NOL4L: variants seen among roughly 807,000 people sequenced by gnomAD.
NOL4L encodes the protein nucleolar protein 4 like.
Under a neutral mutation model 64.5 loss-of-function variants are expected in NOL4L, and 7 were observed. The ratio of observed to expected loss-of-function variants is 0.11; its 90% CI spans 0.06 to 0.20. NOL4L has a LOEUF of 0.20. NOL4L is among the 10% of genes least tolerant of loss of function. The probability of loss-of-function intolerance (pLI) is 1.00; values close to 1 mark genes in which losing one functional copy is unlikely to be tolerated. For synonymous variants in NOL4L, 413 were observed against 401.0 expected, an observed-to-expected ratio of 1.03 and a Z score of -0.36; for missense variants, 680 against 967.1, an observed-to-expected ratio of 0.70 and a Z score of 3.94.
At chr20:32,454,510 C>A (rs1394852995) in intron 6 of NOL4L, among the ~76,000 whole-genome samples, 1 of 152,232 alleles carries the variant, frequency 6.6e-6, no homozygotes, top group African/African-American at 2.4e-5. Flanking sequence ...CCTGGCCAAG[C>A]CCCTCAACCA....
intron 1 of NOL4L, among the ~76,000 whole-genome samples, chr20:32,558,314 G>A (rs867138166): frequency 5.9e-5 from 9 of 152,062 alleles, no homozygotes; most frequent in African/African-American, 2.2e-4. Flanking sequence ...ACGATCAAGA[G>A]AGCTGCTGAA....
chr20:32,583,360 T>C (rs1980619198), intron 1 of NOL4L, among the ~76,000 whole-genome samples: 1 of 149,370 alleles, frequency 6.7e-6, no homozygotes, highest in Admixed American at 6.6e-5. Flanking sequence ...AGTGCACTTT[T>C]CGTAACGACC....
chr20:32,448,440 G>T (rs537967248), intron 10 of NOL4L, among the ~76,000 whole-genome samples: 4 of 152,226 alleles, frequency 2.6e-5, no homozygotes, highest in Non-Finnish European at 5.9e-5. Context: ...CTGGTTGTCT[G>T]GGGGGAGAGG....
At chr20:32,481,542 GC>G (rs2015713036) in intron 4 of NOL4L, among the ~76,000 whole-genome samples, 1 of 151,642 alleles carries the variant, frequency 6.6e-6, no homozygotes, top group African/African-American at 2.4e-5. Flanking sequence ...TGGGAGGAAG[GC>G]CGTCTTCTCA....
rs192482611 is a variant in NOL4L, at chr20:32,450,110, G to C, written c.1822+2126C>G. The C allele has an allele frequency of 1.0e-4, 16 of 152,406 alleles. No individual in the cohort carries two copies. The East Asian group carries it at 2.9e-3, about 28-fold the overall frequency. 9.4% of individuals were successfully genotyped at this position (152,406 alleles called of 1,614,324 possible). A position where few individuals can be genotyped will look rare whatever the true frequency, so the allele number is the denominator to read the frequency against. ...GTATGGTGGGTAGAGGGATAGGAGT[G>C]AGCATGAGTTACCCAGCACCCCAGG... On this transcript the variant is annotated intron_variant, in intron 10 of 10. Transcript: ENST00000621426.
intron 3 of NOL4L, among the ~76,000 whole-genome samples, chr20:32,520,544 C>T (rs893648465): frequency 3.3e-5 from 5 of 152,172 alleles, no homozygotes; most frequent in African/African-American, 4.8e-5. Context: ...AGGAAAGGGG[C>T]TGGCCGGGGC....
intron 3 of NOL4L, among the ~76,000 whole-genome samples, chr20:32,518,267 G>T (rs1380279770): frequency 6.6e-6 from 1 of 152,232 alleles, no homozygotes; most frequent in Non-Finnish European, 1.5e-5. Context: ...CCTGAAGAAA[G>T]CCCCAGGAAA....
At chr20:32,472,110 T>A (rs1335359820) in intron 5 of NOL4L, among the ~76,000 whole-genome samples, 1 of 152,194 alleles carries the variant, frequency 6.6e-6, no homozygotes, top group Non-Finnish European at 1.5e-5. Flanking sequence ...GGGAAGGATG[T>A]CCCCAGAAAC....
intron 1 of NOL4L, among the ~76,000 whole-genome samples, chr20:32,531,027 G>A (rs576662487): frequency 3.6e-4 from 55 of 152,176 alleles, no homozygotes; most frequent in Non-Finnish European, 7.1e-4. Context: ...TATCATGGGG[G>A]TAGTTCCACT....
intron 1 of NOL4L, among the ~76,000 whole-genome samples, chr20:32,578,089 C>G (rs147811592): frequency 1.7e-5 from 2 of 117,190 alleles, no homozygotes; most frequent in Admixed American, 2.3e-4. Context: ...GCCAATATTG[C>G]GTCAAAAAAG....
chr20:32,452,431 G>C lies in NOL4L; in HGVS notation c.1627C>G (p.Pro543Ala), dbSNP rs749935362. ...LEIYQSSQDE[P>A]IALDKQHSRD... ...GAGTGCTGCTTGTCCAGGGCTATGG[G>C]CTCATCCTGCAGAGGGGAGAGGGGG... The change falls in exon 10 of 11, where the codon CCC becomes GCC. Residue 543 changes from proline (P) to alanine (A), a missense_variant. Around this residue, in one of 4 missense-constraint regions of NOL4L, gnomAD observed 175 missense variants for 227.0 expected, o/e 0.77. Transcript: ENST00000621426. 6 of 1,596,012 alleles carry C rather than the reference G, an allele frequency of 3.8e-6. No individual in the cohort carries two copies. The highest frequency in any genetic ancestry group is 5.1e-6 in the Non-Finnish European group (6 of 1,170,922).
At chr20:32,462,346 G>A (rs1174758985) in intron 5 of NOL4L, among the ~76,000 whole-genome samples, 2 of 152,202 alleles carry the variant, frequency 1.3e-5, no homozygotes, top group African/African-American at 4.8e-5. Context: ...CAAGGGATGG[G>A]ACCCGGGGGC....
intron 4 of NOL4L, among the ~76,000 whole-genome samples, chr20:32,476,171 G>A (rs769940125): frequency 1.3e-5 from 2 of 148,210 alleles, no homozygotes; most frequent in African/African-American, 2.5e-5. Context: ...GCCCTCCTTC[G>A]TGAAAACTCG....
At chr20:32,461,763 G>A (rs980280814) in intron 5 of NOL4L, among the ~76,000 whole-genome samples, 2 of 149,298 alleles carry the variant, frequency 1.3e-5, no homozygotes, top group African/African-American at 2.4e-5. Context: ...ATAAGTGCTT[G>A]GAAGAAATTA....
chr20:32,509,354 C>T (rs780878440), intron 4 of NOL4L, among the ~76,000 whole-genome samples: 38 of 151,608 alleles, frequency 2.5e-4, no homozygotes, highest in Non-Finnish European at 2.8e-4. Context: ...CCTGTCTCTA[C>T]AAAAAATACA....
At chr20:32,530,395 G>A (rs942942573) in intron 1 of NOL4L, among the ~76,000 whole-genome samples, 1 of 152,124 alleles carries the variant, frequency 6.6e-6, no homozygotes, top group Admixed American at 6.5e-5. Context: ...CAAAAAATTA[G>A]CCGGGCATGG....
intron 4 of NOL4L, among the ~76,000 whole-genome samples, chr20:32,487,105 C>T (rs1005687791): frequency 9.9e-5 from 15 of 151,922 alleles, no homozygotes; most frequent in African/African-American, 2.7e-4. Flanking sequence ...CCAGTCTCTA[C>T]TAAAAACACA....
At chr20:32,497,931 G>C (rs1448367772) in intron 4 of NOL4L, among the ~76,000 whole-genome samples, 1 of 152,252 alleles carries the variant, frequency 6.6e-6, no homozygotes, top group Non-Finnish European at 1.5e-5. Flanking sequence ...AGCCCTGCAT[G>C]CAGTATTGCT....
At chr20:32,564,720 A>G (rs529839767) in intron 1 of NOL4L, among the ~76,000 whole-genome samples, 3 of 152,344 alleles carry the variant, frequency 2.0e-5, no homozygotes, top group South Asian at 2.1e-4. Flanking sequence ...CACTGGGGAA[A>G]GTATGTCTGG....
Sources: allele counts gnomAD v4.1 joint callset (sites outside exome capture counted in the v4.1 genomes callset), GRCh38; gene constraint gnomAD v4.1.1; regional missense constraint gnomAD v4.1.1; transcripts MANE v1.5; gene names NCBI Gene and HGNC (gene_info 2026-07-23, HGNC 2026-07-21).